Variants in CCDC144A observed in about 807,000 individuals in gnomAD.
The protein encoded by CCDC144A is coiled-coil domain containing 144A.
A neutral mutation model predicts 143.8 loss-of-function variants in CCDC144A; 41 were observed. The ratio of observed to expected loss-of-function variants is 0.29; its 90% CI spans 0.22 to 0.37. The LOEUF is 0.37. CCDC144A is among the 10% of genes least tolerant of loss of function. CCDC144A has a pLI of 1.00. For synonymous variants in CCDC144A, 242 were observed against 517.9 expected, an observed-to-expected ratio of 0.47 and a Z score of 7.23; for missense variants, 637 against 1,488.8, an observed-to-expected ratio of 0.43 and a Z score of 9.41.
rs1335310862 is a variant in CCDC144A, at chr17:16,762,524, A to G, written c.3878A>G (p.Glu1293Gly). ...EVKVRESLSNELSRTNEMIAE... is the reference protein window; with the variant it reads ...EVKVRESLSNGLSRTNEMIAE... ...AAAGTTAGAGAATCCTTGTCAAATG[A>G]ACTCAGTAGGTAAGTCAATATGCAG... Residue 1293 changes from glutamate to glycine, a missense_variant, in exon 14 of 17, where the codon GAA becomes GGA. Transcript: ENST00000399273. 1 of 1,574,752 alleles carries G rather than the reference A, an allele frequency of 6.4e-7. No homozygotes were observed. The highest frequency in any genetic ancestry group is 8.6e-7 in the Non-Finnish European group (1 of 1,161,066).
chr17:16,773,078 T>C (rs1915883599), intron 16 of CCDC144A, among the ~76,000 whole-genome samples: 1 of 152,132 alleles, frequency 6.6e-6, no homozygotes, highest in Non-Finnish European at 1.5e-5. Flanking sequence ...ATACATACTT[T>C]TCATTCTTGT....
intron 6 of CCDC144A, among the ~76,000 whole-genome samples, chr17:16,715,228 G>T (rs1912676657): frequency 6.7e-6 from 1 of 149,612 alleles, no homozygotes; most frequent in Non-Finnish European, 1.5e-5. Flanking sequence ...GCAATAAGTA[G>T]CTACTCAATA....
chr17:16,717,506 T>C (rs1353708628), intron 6 of CCDC144A, among the ~76,000 whole-genome samples: 1 of 152,196 alleles, frequency 6.6e-6, no homozygotes, highest in Non-Finnish European at 1.5e-5. Flanking sequence ...CTAGACTCCA[T>C]GGGACTAATC....
intron 12 of CCDC144A, among the ~76,000 whole-genome samples, chr17:16,747,240 C>T (rs1914577733): frequency 6.6e-6 from 1 of 151,996 alleles, no homozygotes; most frequent in Non-Finnish European, 1.5e-5. Flanking sequence ...TATTTCTGGG[C>T]TCTCTGTTCT....
chr17:16,732,955 C>A (rs942612165), intron 11 of CCDC144A, among the ~76,000 whole-genome samples: 4 of 151,432 alleles, frequency 2.6e-5, no homozygotes, highest in Admixed American at 6.6e-5. Flanking sequence ...AATGATCTTT[C>A]CACAATCTCA....
intron 12 of CCDC144A, among the ~76,000 whole-genome samples, chr17:16,750,845 C>T (rs754337517): frequency 1.3e-5 from 2 of 152,096 alleles, no homozygotes; most frequent in South Asian, 4.1e-4. Context: ...TTGAAGGTCC[C>T]TCCTGTGTTG....
intron 12 of CCDC144A, among the ~76,000 whole-genome samples, chr17:16,742,054 A>G (rs1397626934): frequency 5.3e-5 from 8 of 151,748 alleles, no homozygotes; most frequent in Non-Finnish European, 7.4e-5. Flanking sequence ...GCACCACTGC[A>G]CGCCAAGCCT....
chr17:16,684,846 T>C (rs147158119), upstream of CCDC144A, among the ~76,000 whole-genome samples: 225 of 152,120 alleles, frequency 1.5e-3, no homozygotes, highest in African/African-American at 5.3e-3. Flanking sequence ...GCCTGTAGTC[T>C]AGTTACTCAG....
intron 15 of CCDC144A, among the ~76,000 whole-genome samples, chr17:16,766,820 T>A (rs112460459): frequency 2.6e-5 from 4 of 152,182 alleles, no homozygotes; most frequent in African/African-American, 4.8e-5. Flanking sequence ...CTTTTTTTTT[T>A]AATTTCTGTT....
the CCDC144A span, among the ~76,000 whole-genome samples, chr17:16,673,793 C>A: frequency 6.6e-6 from 1 of 151,952 alleles, no homozygotes; most frequent in Non-Finnish European, 1.5e-5. Context: ...AGATAAAATT[C>A]CTCTGTCTGG....
intron 5 of CCDC144A, among the ~76,000 whole-genome samples, chr17:16,711,413 C>G (rs373404105): frequency 1.6e-4 from 25 of 151,826 alleles, no homozygotes; most frequent in Middle Eastern, 3.4e-3. Flanking sequence ...AAGGGCCCTG[C>G]TTGAAATTTT....
intron 6 of CCDC144A, among the ~76,000 whole-genome samples, chr17:16,719,214 G>A (rs907414461): frequency 4.6e-5 from 7 of 151,798 alleles, no homozygotes; most frequent in African/African-American, 7.3e-5. Context: ...TGTTTCCCTG[G>A]ACCAACATTG....
At chr17:16,722,660 G>A (rs1597557961) in intron 8 of CCDC144A, among the ~76,000 whole-genome samples, 2 of 151,990 alleles carry the variant, frequency 1.3e-5, no homozygotes, top group South Asian at 2.1e-4. Flanking sequence ...ACTCCTTTGC[G>A]CTTCATCTGT....
rs535459431 is a variant in CCDC144A at position 16,776,830 on chromosome 17, G to A, written c.*3197G>A. 8 of 152,202 alleles carry A rather than the reference G, an allele frequency of 5.3e-5. No homozygotes were observed. Among genetic ancestry groups the A allele is most frequent in the African/African-American group, 9.7e-5 (4 of 41,430 alleles). The allele number at this position is 152,202 out of a possible 1,614,324, so 9.4% of individuals were successfully genotyped here. ...TTCAGGTACTCAGGCAACAAATAGC[G>A]TTACAATAGAATAGTACCTCACATC... On this transcript the variant is annotated 3_prime_UTR_variant, in exon 17 of 17. Transcript: ENST00000399273.
At position 16,690,495 on chromosome 17, in the gene CCDC144A, A is replaced by G. The variant is rs780843051; in HGVS notation, c.95A>G (p.Gln32Arg). ...ATRKTPSVGS[Q>R]GDQWYLGYPG... Reference sequence around the variant, plus strand: ...AGGAAGACCCCTAGCGTCGGGAGCCAGGGGGACCAGTGGTACTTGGGCTAC... The same window carrying G: ...AGGAAGACCCCTAGCGTCGGGAGCCGGGGGGACCAGTGGTACTTGGGCTAC... Residue 32 changes from glutamine to arginine, a missense_variant, in exon 1 of 17, where the codon CAG becomes CGG. Coordinates refer to ENST00000399273, the MANE Select transcript of CCDC144A (RefSeq NM_001382000.1). 1 of 1,613,380 alleles carries G rather than the reference A, an allele frequency of 6.2e-7. No homozygotes were observed. The highest frequency in any genetic ancestry group is 2.2e-5 in the East Asian group (1 of 44,856).
chr17:16,775,394 G>A lies in CCDC144A; in HGVS notation c.*1761G>A, dbSNP rs1346488093. 2.0e-5 allele frequency: 3 copies of A among 152,136 alleles called. No individual in the cohort carries two copies. Among genetic ancestry groups the A allele is most frequent in the African/African-American group, 7.2e-5 (3 of 41,422 alleles). The allele number at this position is 152,136 out of a possible 1,614,324, so 9.4% of individuals were successfully genotyped here. A position where few individuals can be genotyped will look rare whatever the true frequency, so the allele number is the denominator to read the frequency against. The stretch of plus-strand genomic sequence containing the variant: ...CATCTTTTCATTTTTTTGAATTATA[G>A]CCATTCTGACTGTTGTGAGATGGTG... On this transcript the variant is annotated 3_prime_UTR_variant, in exon 17 of 17. Coordinates refer to ENST00000399273, the MANE Select transcript of CCDC144A (RefSeq NM_001382000.1).
intron 12 of CCDC144A, among the ~76,000 whole-genome samples, chr17:16,753,652 T>A: frequency 6.6e-6 from 1 of 152,158 alleles, no homozygotes; most frequent in Admixed American, 6.5e-5. Context: ...AATTCTTTAG[T>A]TCTAACAGGC....
chr17:16,771,839 A>C (rs1191420573), intron 15 of CCDC144A, 138 bp from the exon 16 acceptor site: 1 of 664,348 alleles, frequency 1.5e-6, no homozygotes, highest in Non-Finnish European at 2.5e-6. Flanking sequence ...AATTTATATG[A>C]TATTTTTAAT....
chr17:16,773,406 C>T (rs1915897407), intron 16 of CCDC144A, 91 bp from the exon 17 acceptor site: 19 of 1,475,266 alleles, frequency 1.3e-5, no homozygotes, highest in Non-Finnish European at 1.5e-5. Context: ...TGTGATCACA[C>T]CATGGCACTC....
Sources: gnomAD v4.1 joint callset for allele counts (sites outside exome capture counted in the v4.1 genomes callset) on GRCh38, gnomAD v4.1.1 for gene constraint, MANE v1.5 for transcripts, NCBI Gene and HGNC (gene_info 2026-07-23, HGNC 2026-07-21) for gene names.